Variants in KCNH7 observed in about 807,000 individuals in gnomAD.
KCNH7 encodes voltage-gated inwardly rectifying potassium channel KCNH7.
A neutral mutation model predicts 120.8 loss-of-function variants in KCNH7; 49 were observed. The ratio of observed to expected loss-of-function variants is 0.41; its 90% CI spans 0.32 to 0.51. The LOEUF is 0.51. Ranked by LOEUF, KCNH7 falls within the 20% of genes least tolerant of loss-of-function variation. The pLI is 0.38. For synonymous variants in KCNH7, 547 were observed against 516.1 expected, an observed-to-expected ratio of 1.06 and a Z score of -0.81; for missense variants, 1,097 against 1,446.6, an observed-to-expected ratio of 0.76 and a Z score of 3.92.
chr2:162,726,707 A>C (rs1687538195), intron 2 of KCNH7, among the ~76,000 whole-genome samples: 1 of 152,222 alleles, frequency 6.6e-6, no homozygotes, highest in South Asian at 2.1e-4. Flanking sequence ...GCCGTGAGAC[A>C]TGGCACCCAG....
At chr2:162,546,301 A>G (rs1469396584) in intron 2 of KCNH7, among the ~76,000 whole-genome samples, 1 of 152,134 alleles carries the variant, frequency 6.6e-6, no homozygotes, top group Admixed American at 6.6e-5. Flanking sequence ...ATTTGTGACA[A>G]TTTTTAATTC....
chr2:162,473,797 G>A (rs1689646210), intron 6 of KCNH7, among the ~76,000 whole-genome samples: 1 of 152,212 alleles, frequency 6.6e-6, no homozygotes, highest in Non-Finnish European at 1.5e-5. Flanking sequence ...AGGGAGTACA[G>A]AGAAAACCAC....
At chr2:162,679,136 A>C (rs1460720141) in intron 2 of KCNH7, among the ~76,000 whole-genome samples, 1 of 151,600 alleles carries the variant, frequency 6.6e-6, no homozygotes, top group Non-Finnish European at 1.5e-5. Context: ...CTTTTTAGCA[A>C]AATTGATTAT....
rs1244907240 is a variant in KCNH7, at chr2:162,810,075, C to T, written c.307+26462G>A. Among the ~76,000 whole-genome samples, 6 of 75,144 alleles carry T rather than the reference C, an allele frequency of 8.0e-5. 1 individual carries two copies. The highest frequency in any genetic ancestry group is 1.8e-4 in the Non-Finnish European group (6 of 32,890). The allele number at this position is 75,144 out of a possible 152,430, so 49.3% of individuals were successfully genotyped here. On this transcript the variant is annotated intron_variant, in intron 2 of 15. Transcript: ENST00000332142. Reference sequence around the variant, plus strand: ...GGACTACAGGCGCCCGCCACCACGCCCAGCTAATTTTTTGTATTTTTAGTA... The same window carrying T: ...GGACTACAGGCGCCCGCCACCACGCTCAGCTAATTTTTTGTATTTTTAGTA...
Position 162,551,264 on chromosome 2 carries a change from C to T in KCNH7, c.308-14184G>A, listed in dbSNP as rs147361628. Among the ~76,000 whole-genome samples, 502 of 152,166 alleles carry T rather than the reference C, an allele frequency of 3.3e-3. 3 individuals carry two copies. The highest frequency in any genetic ancestry group is 0.011 in the African/African-American group (464 of 41,532). On this transcript the variant is annotated intron_variant, in intron 2 of 15. Transcript: ENST00000332142. ...ACATTACTCAACATTCCAGGGGAAC[C>T]CTCAAAGTCATTTAAAAGCACCACA...
At chr2:162,681,063 CTA>C (rs1362758385) in intron 2 of KCNH7, among the ~76,000 whole-genome samples, 2 of 151,656 alleles carry the variant, frequency 1.3e-5, no homozygotes, top group Non-Finnish European at 2.9e-5. Flanking sequence ...GTGATTATCT[CTA>C]TGGCCTAGGA....
At chr2:162,734,923 G>T (rs1574321346) in intron 2 of KCNH7, among the ~76,000 whole-genome samples, 1 of 152,126 alleles carries the variant, frequency 6.6e-6, no homozygotes, top group African/African-American at 2.4e-5. Context: ...ATGTTGATGG[G>T]AGTCTTTGAA....
At chr2:162,570,903 A>G (rs1458849705) in intron 2 of KCNH7, among the ~76,000 whole-genome samples, 1 of 152,184 alleles carries the variant, frequency 6.6e-6, no homozygotes, top group Non-Finnish European at 1.5e-5. Flanking sequence ...TTTCAAAATA[A>G]TAAGAGGTAT....
chr2:162,655,683 C>A (rs1684729034), intron 2 of KCNH7, among the ~76,000 whole-genome samples: 1 of 152,068 alleles, frequency 6.6e-6, no homozygotes, highest in South Asian at 2.1e-4. Flanking sequence ...GTCCCAGCTA[C>A]TTCGGAGGCT....
At chr2:162,610,941 T>C (rs1682942369) in intron 2 of KCNH7, among the ~76,000 whole-genome samples, 1 of 152,118 alleles carries the variant, frequency 6.6e-6, no homozygotes, top group Admixed American at 6.5e-5. Flanking sequence ...GAAAGATGTG[T>C]TAGGTTAATG....
intron 7 of KCNH7, among the ~76,000 whole-genome samples, chr2:162,435,903 A>G (rs1688219727): frequency 6.6e-6 from 1 of 152,092 alleles, no homozygotes; most frequent in Non-Finnish European, 1.5e-5. Context: ...TCACCAACAT[A>G]CATTCTAGTG....
chr2:162,662,612 G>A (rs1254985809), intron 2 of KCNH7, among the ~76,000 whole-genome samples: 1 of 152,188 alleles, frequency 6.6e-6, no homozygotes, highest in African/African-American at 2.4e-5. Flanking sequence ...TCTTCTGTCT[G>A]ACAGGAACAT....
intron 2 of KCNH7, among the ~76,000 whole-genome samples, chr2:162,682,417 CAG>C (rs35747306): frequency 0.16 from 23,107 of 146,030 alleles, 5,334 homozygotes; most frequent in African/African-American, 0.51. Flanking sequence ...GAGACAGAGA[CAG>C]AGAGAGAGAG....
intron 2 of KCNH7, among the ~76,000 whole-genome samples, chr2:162,545,221 C>A (rs137917169): frequency 2.4e-4 from 37 of 152,280 alleles, no homozygotes; most frequent in Middle Eastern, 3.4e-3. Flanking sequence ...AGATGCTCAG[C>A]TCATATTAGT....
intron 2 of KCNH7, among the ~76,000 whole-genome samples, chr2:162,779,478 C>T (rs527684679): frequency 1.3e-5 from 2 of 152,124 alleles, no homozygotes; most frequent in Non-Finnish European, 2.9e-5. Flanking sequence ...GAATTACAGG[C>T]GTGAGCCACC....
At chr2:162,688,319 C>T (rs993353144) in intron 2 of KCNH7, among the ~76,000 whole-genome samples, 5 of 152,112 alleles carry the variant, frequency 3.3e-5, no homozygotes, top group Non-Finnish European at 7.4e-5. Context: ...TTTTAGGACA[C>T]AGATTCATGG....
chr2:162,583,048 T>A (rs191335583), intron 2 of KCNH7, among the ~76,000 whole-genome samples: 3 of 151,758 alleles, frequency 2.0e-5, no homozygotes, highest in Admixed American at 2.0e-4. Context: ...GGAGGCAACT[T>A]CTGTGGTAAA....
Position 162,481,965 on chromosome 2 carries a change from C to CATCTATCTATCT in KCNH7, c.1128+22466_1128+22477dup, listed in dbSNP as rs35463005. Among the ~76,000 whole-genome samples, 608 of 151,210 alleles carry CATCTATCTATCT rather than the reference C, an allele frequency of 4.0e-3. 7 individuals carry two copies. The highest frequency in any genetic ancestry group is 0.013 in the African/African-American group (549 of 41,266). ...ATACACAGGTTATCTATCTATCTAT[C>CATCTATCTATCT]ATCTATCTATCTATCTATCTATCTA... On this transcript the variant is annotated intron_variant, in intron 6 of 15. Transcript: ENST00000332142.
In KCNH7 at chr2:162,415,126, CT is replaced by C. The variant is rs570642064; in HGVS notation, c.2154+8209del. 2.0e-3 allele frequency among the ~76,000 whole-genome samples: 310 copies of C among 151,818 alleles called. 5 individuals carry two copies. The highest frequency in any genetic ancestry group is 4.1e-3 in the East Asian group (21 of 5,154). On this transcript the variant is annotated intron_variant, in intron 9 of 15. Transcript: ENST00000332142. ...GACAAACAACTTTTCTAATTGCCCA[CT>C]CTCCTGATTTGTCCTTTTTTTAAAA...
Sources: allele counts gnomAD v4.1 joint callset (sites outside exome capture counted in the v4.1 genomes callset), GRCh38; gene constraint gnomAD v4.1.1; transcripts MANE v1.5; gene names NCBI Gene and HGNC (gene_info 2026-07-23, HGNC 2026-07-21).